The following ITGAL variants were observed in gnomAD, a reference collection of about 807,000 sequenced individuals.
ITGAL encodes the protein integrin subunit alpha L, also known as integrin alpha-L.
Under a neutral mutation model 138.4 loss-of-function variants are expected in ITGAL, and 68 were observed. The ratio of observed to expected loss-of-function variants is 0.49; its 90% CI spans 0.40 to 0.60. ITGAL has a LOEUF of 0.60. ITGAL is among the 20% of genes least tolerant of loss of function. ITGAL has a pLI of 0.00. For synonymous variants in ITGAL, 561 were observed against 584.3 expected (o/e 0.96, Z 0.57); for missense variants, 1,256 against 1,478.6 (o/e 0.85, Z 2.47).
chr16:30,497,636 C>T (rs1319301418), intron 15 of ITGAL, among the ~76,000 whole-genome samples: 1 of 151,676 alleles, frequency 6.6e-6, no homozygotes, highest in Admixed American at 6.6e-5. Flanking sequence ...ACCACCATGC[C>T]CTGCTAATTT....
rs781543914 is a variant in ITGAL, at chr16:30,519,931, G to A, written c.3303G>A (p.Leu1101=). The change falls in exon 30 of 31, where the codon CTG becomes CTA. Residue 1101 remains leucine (L), a synonymous_variant. Coordinates refer to ENST00000356798, the MANE Select transcript of ITGAL (RefSeq NM_002209.3). ...ACGTGCTGAGCGGCATCGGGGGGCT[G>A]CTGCTGCTGCTGCTCATTTTCATAG... is the stretch of plus-strand genomic sequence containing the variant. ...YLYVLSGIGG[L]LLLLLIFIVL... is the part of the protein sequence containing the mutation. 6.2e-7 allele frequency: 1 copy of A among 1,613,284 alleles called. No homozygotes were observed. The highest frequency in any genetic ancestry group is 8.5e-7 in the Non-Finnish European group (1 of 1,179,848).
At chr16:30,499,029 G>T in intron 15 of ITGAL, 45 bp from the exon 16 acceptor site, 1 of 1,589,166 alleles carries the variant, frequency 6.3e-7, no homozygotes, top group South Asian at 1.1e-5. Flanking sequence ...GGGGGGACGT[G>T]CAGTTGGGTT....
intron 25 of ITGAL, among the ~76,000 whole-genome samples, chr16:30,514,202 C>T (rs1399050016): frequency 2.6e-5 from 4 of 152,168 alleles, no homozygotes; most frequent in Admixed American, 1.3e-4. Flanking sequence ...ACTCTGCCTC[C>T]CAAGTTCAAG....
At chr16:30,482,532 C>A (rs1454343205) in intron 7 of ITGAL, among the ~76,000 whole-genome samples, 1 of 152,020 alleles carries the variant, frequency 6.6e-6, no homozygotes, top group Non-Finnish European at 1.5e-5. Context: ...TGATATTAGA[C>A]TGTAGAGGGG....
intron 25 of ITGAL, 100 bp from the exon 26 acceptor site, chr16:30,516,873 C>G: frequency 1.2e-6 from 1 of 836,522 alleles, no homozygotes; most frequent in Non-Finnish European, 2.1e-6. Context: ...GGGGACTCAG[C>G]CAATGAGGAC....
At chr16:30,510,854 T>C (rs755131200) in intron 22 of ITGAL, 27 bp from the exon 23 acceptor site, 4 of 1,596,826 alleles carry the variant, frequency 2.5e-6, no homozygotes, top group Non-Finnish European at 2.6e-6. Flanking sequence ...ACCCTTCCAT[T>C]TCCATTGCCC....
At chr16:30,518,184 AAGCCTATAATCCT>A (rs2051199094) in intron 28 of ITGAL, among the ~76,000 whole-genome samples, 1 of 152,154 alleles carries the variant, frequency 6.6e-6, no homozygotes, top group Non-Finnish European at 1.5e-5. Context: ...GGCGGGGCTC[AAGCCTATAATCCT>A]AGCACTTCGG....
At chr16:30,476,216 A>G (rs1361697063) in intron 4 of ITGAL, among the ~76,000 whole-genome samples, 1 of 151,040 alleles carries the variant, frequency 6.6e-6, no homozygotes, top group Non-Finnish European at 1.5e-5. Context: ...ATGCCACTGC[A>G]CTCCAGCCTG....
At chr16:30,500,740 C>T (rs1381159797) in intron 17 of ITGAL, among the ~76,000 whole-genome samples, 1 of 152,020 alleles carries the variant, frequency 6.6e-6, no homozygotes, top group African/African-American at 2.4e-5. Flanking sequence ...TTTTGTAGGC[C>T]AAGCGCGGTG....
In ITGAL at chr16:30,510,881, G is replaced by T; in HGVS notation, c.2620G>T (p.Val874Phe). ...SSPIFKAGHS[V>F]ALQMMFNTLV... ...CCATTGCCCTCTCCTTTCCTGCCAG[G>T]TTGCTCTGCAGATGATGTTTAATAC... The change falls in exon 23 of 31, where the codon GTT (valine) becomes TTT (phenylalanine). Residue 874 changes from valine to phenylalanine, a missense_variant and splice_region_variant. Transcript: ENST00000356798. 6.2e-7 allele frequency: 1 copy of T among 1,613,684 alleles called. No homozygotes were observed. Among genetic ancestry groups the T allele is most frequent in the Non-Finnish European group, 8.5e-7 (1 of 1,179,780 alleles).
Position 30,494,157 on chromosome 16 carries a change from G to A in ITGAL, c.1214-55G>A. On this transcript the variant is annotated intron_variant, in intron 11 of 30. Transcript: ENST00000356798. The surrounding 1 kb of genome is among the most constrained non-coding windows in gnomAD (Gnocchi z 4.2). ...TGGGGCCCCTGCCCCTCTCCTGCTGGGTGTTCTTCCAGCATCCTGTGTTCC... is the reference window on the plus strand; with the variant it reads ...TGGGGCCCCTGCCCCTCTCCTGCTGAGTGTTCTTCCAGCATCCTGTGTTCC... 2.0e-6 allele frequency: 3 copies of A among 1,487,842 alleles called. No individual in the cohort carries two copies. Among genetic ancestry groups the A allele is most frequent in the African/African-American group, 1.4e-5 (1 of 72,690 alleles). 92.2% of individuals were successfully genotyped at this position (1,487,842 alleles called of 1,614,324 possible).
chr16:30,478,890 C>G (rs577696846), intron 4 of ITGAL, among the ~76,000 whole-genome samples: 1 of 152,028 alleles, frequency 6.6e-6, no homozygotes, highest in South Asian at 2.1e-4. Context: ...CGGTGAGCAT[C>G]CATTGGCATA....
At chr16:30,493,612 G>C (rs372147980) in intron 11 of ITGAL, among the ~76,000 whole-genome samples, 1 of 152,198 alleles carries the variant, frequency 6.6e-6, no homozygotes, top group East Asian at 1.9e-4. Context: ...AAAAGAGGCC[G>C]GGCACAGTGG....
intron 25 of ITGAL, among the ~76,000 whole-genome samples, chr16:30,515,416 C>T (rs2151205682): frequency 1.3e-5 from 2 of 152,324 alleles, no homozygotes; most frequent in South Asian, 4.1e-4. Context: ...CCAGCTCATG[C>T]CTGCAGGGGA....
At position 30,517,881 on chromosome 16, in the gene ITGAL, G is replaced by A. The variant is rs757156287; in HGVS notation, c.3118G>A (p.Val1040Met). ...LVQVIGTLEL[V>M]GEIEASSMFS... ...CCAAGTGATCGGGACTCTGGAGCTGGTGGGAGAGATCGAGGTAGTCCCCGC... is the reference window on the plus strand; with the variant it reads ...CCAAGTGATCGGGACTCTGGAGCTGATGGGAGAGATCGAGGTAGTCCCCGC... Residue 1040 changes from valine (V) to methionine (M), a missense_variant, in exon 28 of 31, where the codon GTG becomes ATG. Transcript: ENST00000356798. 6.2e-7 allele frequency: 1 copy of A among 1,614,064 alleles called. No homozygotes were observed. The highest frequency in any genetic ancestry group is 1.1e-5 in the South Asian group (1 of 91,084).
intron 9 of ITGAL, among the ~76,000 whole-genome samples, chr16:30,487,004 G>T (rs944786769): frequency 4.6e-5 from 7 of 151,928 alleles, no homozygotes; most frequent in Non-Finnish European, 7.4e-5. Context: ...TTAGCCAGGC[G>T]TGGTGGCGGG....
chr16:30,499,588 G>T, intron 17 of ITGAL, 99 bp downstream of exon 17: 2 of 1,170,266 alleles, frequency 1.7e-6, no homozygotes, highest in Non-Finnish European at 2.5e-6. Context: ...CCATCCCTCT[G>T]TGCTGTCACT....
chr16:30,473,027 A>G (rs1257728452), intron 1 of ITGAL, 129 bp downstream of exon 1: 1 of 786,794 alleles, frequency 1.3e-6, no homozygotes, highest in East Asian at 2.6e-5. Flanking sequence ...TATGGGGCCC[A>G]GGGATCTTGG....
Position 30,472,904 on chromosome 16 carries a change from C to G in ITGAL, c.61+6C>G. The G allele has an allele frequency of 1.2e-6, 2 of 1,612,210 alleles. No individual in the cohort carries two copies. Among genetic ancestry groups the G allele is most frequent in the Non-Finnish European group, 1.7e-6 (2 of 1,179,262 alleles). ...GTCTGGGTTCTTTTTCTTCGGTAGG[C>G]AAGGGAGGAGGCAGGGGAAGGGACA... On this transcript the variant is annotated splice_donor_region_variant and intron_variant, in intron 1 of 30. Transcript: ENST00000356798.
Sources: allele counts gnomAD v4.1 joint callset (sites outside exome capture counted in the v4.1 genomes callset), GRCh38; gene constraint gnomAD v4.1.1; non-coding constraint Gnocchi (gnomAD v3.1); transcripts MANE v1.5; gene names NCBI Gene and HGNC (gene_info 2026-07-23, HGNC 2026-07-21).